FAM83B: variants seen among roughly 807,000 people sequenced by gnomAD.
FAM83B encodes scaffolding CK1 anchoring protein B.
In FAM83B, 26 loss-of-function variants were observed where a neutral mutation model predicts 38.8. The ratio of observed to expected loss-of-function variants is 0.67; its 90% CI spans 0.49 to 0.93. The LOEUF (loss-of-function observed/expected upper bound fraction) is 0.93, where lower values mean the gene tolerates loss of function less well. Among genes scored for constraint, FAM83B ranks in the 40% least tolerant of loss-of-function variants. FAM83B has a pLI of 0.00. For synonymous variants in FAM83B, 419 were observed against 423.1 expected (o/e 0.99, Z 0.12); for missense variants, 1,237 against 1,197.3 (o/e 1.03, Z -0.49).
chr6:54,938,192 C>T (rs983689636), intron 4 of FAM83B, among the ~76,000 whole-genome samples: 2 of 152,084 alleles, frequency 1.3e-5, no homozygotes, highest in Non-Finnish European at 2.9e-5. Context: ...GTTGCAAATG[C>T]CATTATTTTG....
intron 2 of FAM83B, among the ~76,000 whole-genome samples, chr6:54,882,468 C>G (rs1772155195): frequency 6.6e-6 from 1 of 152,118 alleles, no homozygotes; most frequent in Non-Finnish European, 1.5e-5. Context: ...TAGAAAATGA[C>G]AGGTCTGGTA....
At chr6:54,880,148 G>T (rs12208341) in intron 2 of FAM83B, among the ~76,000 whole-genome samples, 1 of 152,020 alleles carries the variant, frequency 6.6e-6, no homozygotes, top group East Asian at 1.9e-4. Context: ...TCATACAGAT[G>T]GGGGGAAAAG....
intron 1 of FAM83B, among the ~76,000 whole-genome samples, chr6:54,865,902 C>G (rs936929557): frequency 6.6e-6 from 1 of 151,646 alleles, no homozygotes; most frequent in African/African-American, 2.4e-5. Flanking sequence ...CTTAAAATCT[C>G]TTATCAAATT....
At chr6:54,886,410 C>CT (rs1261815527) in intron 2 of FAM83B, among the ~76,000 whole-genome samples, 1 of 151,850 alleles carries the variant, frequency 6.6e-6, no homozygotes, top group Non-Finnish European at 1.5e-5. Context: ...TGCTTAAAGT[C>CT]TTTTTTATGA....
chr6:54,927,208 T>A (rs1337084613), intron 3 of FAM83B, among the ~76,000 whole-genome samples: 4 of 152,132 alleles, frequency 2.6e-5, no homozygotes, highest in African/African-American at 9.7e-5. Flanking sequence ...AAGGTTAATT[T>A]TAATTTTAGT....
At chr6:54,879,864 G>A (rs1772085166) in intron 2 of FAM83B, among the ~76,000 whole-genome samples, 1 of 152,200 alleles carries the variant, frequency 6.6e-6, no homozygotes, top group South Asian at 2.1e-4. Flanking sequence ...CTGACAATAG[G>A]CTGAAGCTGA....
At chr6:54,909,061 ACTCATAGAG>A (rs1420060401) in intron 2 of FAM83B, among the ~76,000 whole-genome samples, 1 of 152,126 alleles carries the variant, frequency 6.6e-6, no homozygotes, top group Non-Finnish European at 1.5e-5. Context: ...GTCTAACACA[ACTCATAGAG>A]CTGTTTTGAG....
intron 2 of FAM83B, among the ~76,000 whole-genome samples, chr6:54,897,458 GA>G (rs879316223): frequency 2.6e-5 from 4 of 152,078 alleles, no homozygotes; most frequent in Admixed American, 1.3e-4. Flanking sequence ...TAGAATATAG[GA>G]AATAAGGCCC....
chr6:54,912,976 A>T (rs1772947454), intron 2 of FAM83B, among the ~76,000 whole-genome samples: 1 of 152,068 alleles, frequency 6.6e-6, no homozygotes, highest in Non-Finnish European at 1.5e-5. Context: ...TTATGACTTG[A>T]CTATAACTAC....
At chr6:54,850,017 A>T (rs1365953471) in intron 1 of FAM83B, among the ~76,000 whole-genome samples, 1 of 152,182 alleles carries the variant, frequency 6.6e-6, no homozygotes, top group Non-Finnish European at 1.5e-5. Flanking sequence ...ATTGACCATT[A>T]TCTGCCAAGC....
At chr6:54,851,132 A>C (rs1281268505) in intron 1 of FAM83B, among the ~76,000 whole-genome samples, 1 of 151,700 alleles carries the variant, frequency 6.6e-6, no homozygotes, top group African/African-American at 2.4e-5. Context: ...AACTGTTTAC[A>C]GTGTTCCCCT....
intron 2 of FAM83B, among the ~76,000 whole-genome samples, chr6:54,876,842 A>G (rs547967658): frequency 6.6e-6 from 1 of 152,168 alleles, no homozygotes; most frequent in African/African-American, 2.4e-5. Context: ...AGTTCTATAT[A>G]TTTGGGGATC....
chr6:54,848,103 A>C (rs1423751382), intron 1 of FAM83B, among the ~76,000 whole-genome samples: 1 of 27,860 alleles, frequency 3.6e-5, no homozygotes, highest in African/African-American at 2.8e-4. Flanking sequence ...TTTTTATTGG[A>C]GTGGGGGTGG....
At chr6:54,939,409 T>C (rs1773602867) in intron 4 of FAM83B, among the ~76,000 whole-genome samples, 1 of 152,154 alleles carries the variant, frequency 6.6e-6, no homozygotes, top group South Asian at 2.1e-4. Context: ...ATGATGATGG[T>C]ATTTTGATGG....
At chr6:54,934,933 A>G (rs1773496888) in intron 4 of FAM83B, among the ~76,000 whole-genome samples, 1 of 152,142 alleles carries the variant, frequency 6.6e-6, no homozygotes, top group South Asian at 2.1e-4. Context: ...CAAACTTCCT[A>G]TAAGTCAGCC....
chr6:54,899,496 T>C (rs1772609032), intron 2 of FAM83B, among the ~76,000 whole-genome samples: 1 of 152,216 alleles, frequency 6.6e-6, no homozygotes, highest in Non-Finnish European at 1.5e-5. Flanking sequence ...TATAACATAA[T>C]GCCATAAGCA....
intron 4 of FAM83B, among the ~76,000 whole-genome samples, chr6:54,934,451 A>C (rs1773488468): frequency 6.6e-6 from 1 of 152,146 alleles, no homozygotes; most frequent in South Asian, 2.1e-4. Context: ...CTATCAATAT[A>C]AATATCACTT....
At position 54,861,421 on chromosome 6, in the gene FAM83B, G is replaced by A. The variant is rs182735965; in HGVS notation, c.-60-8766G>A. ...AATACAAAAAAATTAGCCAGGGATG[G>A]TGGGGCGTGTCTGTGGTCCCAGCTA... On this transcript the variant is annotated intron_variant, in intron 1 of 4. Coordinates refer to ENST00000306858, the MANE Select transcript of FAM83B (RefSeq NM_001010872.3). Among the ~76,000 whole-genome samples, 4 of 152,268 alleles carry A rather than the reference G, an allele frequency of 2.6e-5. No homozygotes were observed. In the East Asian group the frequency reaches 5.8e-4, roughly 22 times the overall value.
At chr6:54,894,843 G>C (rs1341483432) in intron 2 of FAM83B, among the ~76,000 whole-genome samples, 1 of 152,224 alleles carries the variant, frequency 6.6e-6, no homozygotes, top group African/African-American at 2.4e-5. Context: ...GCTTAGGGCA[G>C]TGGTTGAGAG....
Sources: allele counts gnomAD v4.1 joint callset (sites outside exome capture counted in the v4.1 genomes callset), GRCh38; gene constraint gnomAD v4.1.1; transcripts MANE v1.5; gene names NCBI Gene and HGNC (gene_info 2026-07-23, HGNC 2026-07-21).